The following BABAM2 variants were observed in gnomAD, a reference collection of about 807,000 sequenced individuals.
The protein encoded by BABAM2 is BRISC and BRCA1-A complex member 2.
A neutral mutation model predicts 54.7 loss-of-function variants in BABAM2; 31 were observed. That is an observed-to-expected ratio of 0.57 (90% confidence interval 0.43 to 0.77). BABAM2 has a LOEUF of 0.77. Ranked by LOEUF, BABAM2 falls within the 30% of genes least tolerant of loss-of-function variation. The pLI, the probability that BABAM2 is intolerant of heterozygous loss-of-function variation, is 0.00. For synonymous variants in BABAM2, 167 were observed against 162.9 expected (o/e 1.03, Z -0.19); for missense variants, 364 against 455.8 (o/e 0.80, Z 1.83).
intron 7 of BABAM2, among the ~76,000 whole-genome samples, chr2:28,166,011 T>A (rs1037958569): frequency 2.6e-5 from 4 of 152,166 alleles, no homozygotes; most frequent in Admixed American, 1.3e-4. Flanking sequence ...TAACCCAATA[T>A]GACCAATGTC....
rs558777576 is a variant in BABAM2 at position 28,181,108 on chromosome 2, G to T, written c.680+51728G>T. 3.9e-5 allele frequency among the ~76,000 whole-genome samples: 6 copies of T among 152,132 alleles called. No individual in the cohort carries two copies. In the East Asian group the frequency reaches 5.8e-4, roughly 15 times the overall value. ...ACGTGATCCAGCAGTCCTACTACTG[G>T]GTATTTATCCAAAGGAAAGGAAATA... On this transcript the variant is annotated intron_variant, in intron 7 of 11. Coordinates refer to ENST00000379624, the MANE Select transcript of BABAM2 (RefSeq NM_199191.3).
chr2:27,970,187 G>A (rs897079141), intron 3 of BABAM2, among the ~76,000 whole-genome samples: 9 of 151,980 alleles, frequency 5.9e-5, no homozygotes, highest in Non-Finnish European at 7.4e-5. Flanking sequence ...CCCAGTCCCA[G>A]TGCCACTTCT....
At chr2:28,309,814 C>T (rs1328561955) in intron 11 of BABAM2, 4 of 403,634 alleles carry the variant, frequency 9.9e-6, no homozygotes, top group Non-Finnish European at 1.8e-5. Flanking sequence ...TTTTCCAGGC[C>T]CAGGCCAACA....
chr2:28,091,593 G>A (rs1166661880), intron 6 of BABAM2, among the ~76,000 whole-genome samples: 1 of 152,112 alleles, frequency 6.6e-6, no homozygotes, highest in Non-Finnish European at 1.5e-5. Flanking sequence ...AGAGAGTACA[G>A]GAGAATTATA....
At chr2:28,327,523 CTCAG>C in intron 11 of BABAM2, 1 of 1,446,990 alleles carries the variant, frequency 6.9e-7, no homozygotes, top group Non-Finnish European at 9.3e-7. Context: ...AGAAATGGAT[CTCAG>C]TCAGTTGTTG....
At chr2:27,911,096 T>A (rs1666560505) in intron 2 of BABAM2, among the ~76,000 whole-genome samples, 1 of 152,158 alleles carries the variant, frequency 6.6e-6, no homozygotes, top group Admixed American at 6.5e-5. Flanking sequence ...TGTTTCCCCT[T>A]CTGCTGTGAT....
intron 6 of BABAM2, among the ~76,000 whole-genome samples, chr2:28,083,386 G>A (rs2148676830): frequency 6.6e-6 from 1 of 152,190 alleles, no homozygotes; most frequent in Non-Finnish European, 1.5e-5. Context: ...CCCGCTTTTT[G>A]CAATCTGCTG....
rs1029608075 is a variant in BABAM2 at position 28,051,653 on chromosome 2, G to GT, written c.570+5866dup. On this transcript the variant is annotated intron_variant, in intron 6 of 11. Coordinates refer to ENST00000379624, the MANE Select transcript of BABAM2 (RefSeq NM_199191.3). ...CTCAGAGTCATAAAGGTCAAGGTGTGTTTTTTTTTTTTGAGACAGAGTTTT... is the reference window on the plus strand; with the variant it reads ...CTCAGAGTCATAAAGGTCAAGGTGTGTTTTTTTTTTTTTGAGACAGAGTTTT... Among the ~76,000 whole-genome samples, 238 of 144,614 alleles carry GT rather than the reference G, an allele frequency of 1.6e-3. 1 individual carries two copies. Among genetic ancestry groups the GT allele is most frequent in the Middle Eastern group, 3.6e-3 (1 of 280 alleles). 94.9% of individuals were successfully genotyped at this position (144,614 alleles called of 152,430 possible). A position where few individuals can be genotyped will look rare whatever the true frequency, so the allele number is the denominator to read the frequency against.
chr2:28,285,173 G>C (rs965606962), intron 10 of BABAM2, among the ~76,000 whole-genome samples: 3 of 152,088 alleles, frequency 2.0e-5, no homozygotes, highest in African/African-American at 7.2e-5. Context: ...ACTGTATGGC[G>C]TGCTTTACCT....
chr2:28,218,607 G>A (rs936532903), intron 7 of BABAM2, among the ~76,000 whole-genome samples: 2 of 151,900 alleles, frequency 1.3e-5, no homozygotes, highest in Non-Finnish European at 2.9e-5. Flanking sequence ...AGTTTGTCCC[G>A]GGATTGGTGA....
At chr2:27,994,797 T>C (rs1673024649) in intron 4 of BABAM2, among the ~76,000 whole-genome samples, 2 of 152,216 alleles carry the variant, frequency 1.3e-5, no homozygotes, top group African/African-American at 4.8e-5. Context: ...CATGTATCCA[T>C]TCCTGATGGC....
At chr2:28,270,647 C>A (rs1234893586) in intron 10 of BABAM2, among the ~76,000 whole-genome samples, 1 of 152,212 alleles carries the variant, frequency 6.6e-6, no homozygotes. Flanking sequence ...ACCCAGATGG[C>A]ATGACTATTC....
chr2:28,176,746 T>G (rs1430175386), intron 7 of BABAM2, among the ~76,000 whole-genome samples: 3 of 140,492 alleles, frequency 2.1e-5, no homozygotes, highest in Non-Finnish European at 4.6e-5. Flanking sequence ...ATGAATGAAA[T>G]AAAATATTTA....
intron 6 of BABAM2, among the ~76,000 whole-genome samples, chr2:28,060,898 T>C (rs1678803021): frequency 6.6e-6 from 1 of 152,216 alleles, no homozygotes; most frequent in South Asian, 2.1e-4. Context: ...ATATCAGTTC[T>C]TCCTAAATTG....
At chr2:28,217,606 C>G (rs1680030501) in intron 7 of BABAM2, among the ~76,000 whole-genome samples, 1 of 152,220 alleles carries the variant, frequency 6.6e-6, no homozygotes, top group Non-Finnish European at 1.5e-5. Flanking sequence ...CATTGCCAGT[C>G]CAATTTCAGA....
chr2:28,259,168 A>G (rs1318653089), intron 10 of BABAM2, among the ~76,000 whole-genome samples: 1 of 127,878 alleles, frequency 7.8e-6, no homozygotes, highest in Non-Finnish European at 1.6e-5. Context: ...GCTCACAGCA[A>G]TCTCCACCTC....
At chr2:28,185,136 A>T (rs890823643) in intron 7 of BABAM2, among the ~76,000 whole-genome samples, 7 of 152,256 alleles carry the variant, frequency 4.6e-5, no homozygotes, top group Admixed American at 2.0e-4. Context: ...AGGCAGGTAC[A>T]TAAGATGCTT....
At chr2:28,196,836 CTTTTTTTTT>C (rs759950166) in intron 7 of BABAM2, among the ~76,000 whole-genome samples, 17 of 40,244 alleles carry the variant, frequency 4.2e-4, no homozygotes, top group East Asian at 2.0e-3. Flanking sequence ...GAGACCCTGT[CTTTTTTTTT>C]TTTTTTTTTT....
intron 7 of BABAM2, among the ~76,000 whole-genome samples, chr2:28,152,003 G>A (rs1672097081): frequency 1.7e-5 from 2 of 119,646 alleles, no homozygotes; most frequent in South Asian, 2.8e-4. Flanking sequence ...GATAAGCCTA[G>A]TTCTGCAGGG....
Sources: allele counts gnomAD v4.1 joint callset (sites outside exome capture counted in the v4.1 genomes callset), GRCh38; gene constraint gnomAD v4.1.1; transcripts MANE v1.5; gene names NCBI Gene and HGNC (gene_info 2026-07-23, HGNC 2026-07-21).